KHDRBS2: variants seen among roughly 807,000 people sequenced by gnomAD.
KHDRBS2 encodes the protein KH RNA binding domain containing, signal transduction associated 2.
In KHDRBS2, 26 loss-of-function variants were observed where a neutral mutation model predicts 44.3. That is an observed-to-expected ratio of 0.59 (90% CI 0.43 to 0.81). The LOEUF is 0.81. KHDRBS2 is among the 40% of genes least tolerant of loss of function. The probability of loss-of-function intolerance (pLI) is 0.00; values close to 1 mark genes in which losing one functional copy is unlikely to be tolerated. For synonymous variants in KHDRBS2, 194 were observed against 151.1 expected, an observed-to-expected ratio of 1.28 and a Z score of -2.08; for missense variants, 476 against 433.1, an observed-to-expected ratio of 1.10 and a Z score of -0.88.
intron 7 of KHDRBS2, among the ~76,000 whole-genome samples, chr6:61,700,165 C>T (rs1768418227): frequency 1.3e-5 from 2 of 151,674 alleles, no homozygotes; most frequent in African/African-American, 4.8e-5. Context: ...CTTCTCCTTC[C>T]CTTGTCATCA....
chr6:62,035,078 T>G (rs1360152032), intron 3 of KHDRBS2, among the ~76,000 whole-genome samples: 1 of 152,006 alleles, frequency 6.6e-6, no homozygotes, highest in African/African-American at 2.4e-5. Flanking sequence ...TATAACAGTT[T>G]GGAGGTTCTT....
the KHDRBS2 span, among the ~76,000 whole-genome samples, chr6:61,631,358 T>A: frequency 6.8e-6 from 1 of 146,598 alleles, no homozygotes; most frequent in Non-Finnish European, 1.5e-5. Flanking sequence ...TGTGTTACAT[T>A]TTCTGGTGGT....
At chr6:61,980,481 G>A (rs1235038082) in intron 3 of KHDRBS2, among the ~76,000 whole-genome samples, 3 of 152,156 alleles carry the variant, frequency 2.0e-5, no homozygotes. Flanking sequence ...AATTGTAGAA[G>A]TTTTATAGAA....
At chr6:61,577,687 C>G in the KHDRBS2 span, among the ~76,000 whole-genome samples, 6 of 152,002 alleles carry the variant, frequency 3.9e-5, no homozygotes, top group African/African-American at 1.4e-4. Context: ...CTGAAATGTT[C>G]TTTATACAAT....
the KHDRBS2 span, among the ~76,000 whole-genome samples, chr6:61,620,287 T>C: frequency 5.9e-5 from 9 of 152,158 alleles, no homozygotes; most frequent in Non-Finnish European, 1.2e-4. Flanking sequence ...TTTAAGCAAA[T>C]AGACTTAAGG....
At chr6:61,862,017 C>G (rs1457115962) in intron 6 of KHDRBS2, among the ~76,000 whole-genome samples, 1 of 151,962 alleles carries the variant, frequency 6.6e-6, no homozygotes, top group Non-Finnish European at 1.5e-5. Context: ...CCCTGCTTGT[C>G]TATTGTTGGT....
At chr6:61,773,952 G>A (rs1371498540) in intron 6 of KHDRBS2, among the ~76,000 whole-genome samples, 1 of 152,068 alleles carries the variant, frequency 6.6e-6, no homozygotes, top group East Asian at 1.9e-4. Flanking sequence ...TCAGATAGTT[G>A]TAGATAAGCA....
At chr6:61,773,456 G>A (rs1263220817) in intron 6 of KHDRBS2, among the ~76,000 whole-genome samples, 2 of 152,082 alleles carry the variant, frequency 1.3e-5, no homozygotes, top group African/African-American at 4.8e-5. Context: ...AGAAGTGTCT[G>A]TTCATATCCT....
At chr6:62,221,528 C>T (rs1432671734) in intron 1 of KHDRBS2, among the ~76,000 whole-genome samples, 2 of 151,948 alleles carry the variant, frequency 1.3e-5, no homozygotes, top group African/African-American at 4.8e-5. Context: ...TTCTATTAAC[C>T]ATTTTGTTAT....
intron 1 of KHDRBS2, among the ~76,000 whole-genome samples, chr6:62,255,605 AAC>A (rs60498757): frequency 0.17 from 23,574 of 136,808 alleles, 2,026 homozygotes; most frequent in Admixed American, 0.26. Flanking sequence ...CATGCTTTAA[AAC>A]ACACACACAC....
intron 4 of KHDRBS2, among the ~76,000 whole-genome samples, chr6:61,966,937 C>T (rs1248079136): frequency 6.6e-6 from 1 of 151,634 alleles, no homozygotes; most frequent in Non-Finnish European, 1.5e-5. Context: ...CTAATTTAAA[C>T]TAAAAACATT....
intron 2 of KHDRBS2, among the ~76,000 whole-genome samples, chr6:62,146,802 C>A (rs532009575): frequency 6.6e-6 from 1 of 151,750 alleles, no homozygotes; most frequent in South Asian, 2.1e-4. Flanking sequence ...AAAAATGGTA[C>A]GCTATACATC....
At chr6:62,151,217 A>G (rs1337374482) in intron 2 of KHDRBS2, among the ~76,000 whole-genome samples, 4 of 152,176 alleles carry the variant, frequency 2.6e-5, no homozygotes, top group Admixed American at 6.5e-5. Flanking sequence ...TAAATTGAAC[A>G]TAAGAACACA....
At chr6:61,733,235 A>G (rs1261977827) in intron 6 of KHDRBS2, among the ~76,000 whole-genome samples, 1 of 152,128 alleles carries the variant, frequency 6.6e-6, no homozygotes, top group Non-Finnish European at 1.5e-5. Flanking sequence ...TGGAGTCATT[A>G]CTGATTAAAT....
the KHDRBS2 span, among the ~76,000 whole-genome samples, chr6:61,624,764 C>G: frequency 2.0e-5 from 3 of 152,048 alleles, no homozygotes; most frequent in African/African-American, 7.2e-5. Flanking sequence ...ACGATATATA[C>G]GCTAAGTCAG....
At chr6:61,944,237 T>G (rs1562488248) in intron 4 of KHDRBS2, among the ~76,000 whole-genome samples, 1 of 152,096 alleles carries the variant, frequency 6.6e-6, no homozygotes, top group Non-Finnish European at 1.5e-5. Context: ...CTATTCACAA[T>G]AGCAAAGATG....
At chr6:61,752,905 A>G (rs1440188221) in intron 6 of KHDRBS2, among the ~76,000 whole-genome samples, 1 of 152,114 alleles carries the variant, frequency 6.6e-6, no homozygotes, top group African/African-American at 2.4e-5. Context: ...GGCTGAATAC[A>G]CTGTTTGAAT....
At chr6:61,784,409 C>T (rs1297411710) in intron 6 of KHDRBS2, among the ~76,000 whole-genome samples, 2 of 140,806 alleles carry the variant, frequency 1.4e-5, no homozygotes, top group African/African-American at 4.9e-5. Context: ...AAATGGTAAA[C>T]TAAAAAATTC....
At chr6:61,784,118 T>C (rs1582825617) in intron 6 of KHDRBS2, among the ~76,000 whole-genome samples, 1 of 151,948 alleles carries the variant, frequency 6.6e-6, no homozygotes, top group East Asian at 1.9e-4. Context: ...AAAATAGTTT[T>C]CCAAGCCTGA....
Sources: gnomAD v4.1 joint callset for allele counts (sites outside exome capture counted in the v4.1 genomes callset) on GRCh38, gnomAD v4.1.1 for gene constraint, MANE v1.5 for transcripts, NCBI Gene and HGNC (gene_info 2026-07-23, HGNC 2026-07-21) for gene names.